CMIP: variants seen among roughly 807,000 people sequenced by gnomAD.
CMIP encodes the protein c-Maf inducing protein.
A neutral mutation model predicts 97.3 loss-of-function variants in CMIP; 13 were observed. The observed-to-expected ratio is 0.13, with a 90% confidence interval of 0.09 to 0.21. The LOEUF (loss-of-function observed/expected upper bound fraction) is 0.21. Among genes scored for constraint, CMIP ranks in the 10% least tolerant of loss-of-function variants. The pLI, the probability that CMIP is intolerant of heterozygous loss-of-function variation, is 1.00. For synonymous variants in CMIP, 538 were observed against 436.3 expected, an observed-to-expected ratio of 1.23 and a Z score of -2.91; for missense variants, 847 against 1,024.9, an observed-to-expected ratio of 0.83 and a Z score of 2.37.
intron 1 of CMIP, among the ~76,000 whole-genome samples, chr16:81,508,512 T>C (rs762177618): frequency 2.0e-5 from 3 of 152,248 alleles, no homozygotes; most frequent in Non-Finnish European, 4.4e-5. Flanking sequence ...ATTTTCTTAC[T>C]GATGGCTGTT....
At chr16:81,509,561 C>G (rs1452037023) in intron 1 of CMIP, among the ~76,000 whole-genome samples, 2 of 152,150 alleles carry the variant, frequency 1.3e-5, no homozygotes, top group East Asian at 3.9e-4. Context: ...ACTCGGGGGT[C>G]ATAGTCTGGC....
intron 1 of CMIP, among the ~76,000 whole-genome samples, chr16:81,561,614 G>T (rs1302978473): frequency 6.6e-6 from 1 of 152,150 alleles, no homozygotes; most frequent in Non-Finnish European, 1.5e-5. Flanking sequence ...GCAGACAATT[G>T]CCCCGGCCTT....
At chr16:81,547,241 A>G (rs891576653) in intron 1 of CMIP, among the ~76,000 whole-genome samples, 5 of 152,184 alleles carry the variant, frequency 3.3e-5, no homozygotes, top group African/African-American at 9.6e-5. Context: ...GAGAGACGGA[A>G]GGGGTTCAGC....
At chr16:81,576,489 G>A (rs926910578) in intron 1 of CMIP, among the ~76,000 whole-genome samples, 1 of 152,098 alleles carries the variant, frequency 6.6e-6, no homozygotes, top group African/African-American at 2.4e-5. Flanking sequence ...CAGTTTTAAG[G>A]GAGGTTCAGT....
At chr16:81,486,527 G>A (rs965171618) in intron 1 of CMIP, among the ~76,000 whole-genome samples, 2 of 152,184 alleles carry the variant, frequency 1.3e-5, no homozygotes, top group East Asian at 3.9e-4. Flanking sequence ...CCAGGGCCGG[G>A]CCACTTTGCA....
At position 81,621,459 on chromosome 16, in the gene CMIP, C is replaced by T. The variant is rs1371593603; in HGVS notation, c.477+533C>T. The T allele has an allele frequency of 6.5e-6, 1 of 153,962 alleles. No homozygotes were observed. Among genetic ancestry groups the T allele is most frequent in the Non-Finnish European group, 1.4e-5 (1 of 69,020 alleles). 9.5% of individuals were successfully genotyped at this position (153,962 alleles called of 1,614,324 possible). ...AGGGAACTTCATCTTCTTGGAGACC[C>T]AGGGGCAGATCTTCTAAGAGGGGTC... On this transcript the variant is annotated intron_variant, in intron 3 of 20. Transcript: ENST00000537098. The surrounding 1 kb of genome is among the most constrained non-coding windows in gnomAD (Gnocchi z 4.1).
intron 1 of CMIP, among the ~76,000 whole-genome samples, chr16:81,604,368 T>C (rs1267377584): frequency 8.1e-6 from 1 of 123,106 alleles, no homozygotes; most frequent in African/African-American, 3.4e-5. Context: ...TGTACTCCAG[T>C]CGGGGTGACA....
At chr16:81,632,723 C>T (rs1020593740) in intron 3 of CMIP, among the ~76,000 whole-genome samples, 4 of 152,182 alleles carry the variant, frequency 2.6e-5, no homozygotes, top group African/African-American at 4.8e-5. Flanking sequence ...GAGTGAGCTG[C>T]CCCTGGCTAC....
chr16:81,694,958 C>T (rs1163088065), intron 13 of CMIP, among the ~76,000 whole-genome samples: 1 of 152,232 alleles, frequency 6.6e-6, no homozygotes, highest in African/African-American at 2.4e-5. Flanking sequence ...CTTTCCTTGC[C>T]ACCTGTGAAG....
intron 10 of CMIP, among the ~76,000 whole-genome samples, chr16:81,690,581 G>A (rs1905947254): frequency 6.6e-6 from 1 of 152,164 alleles, no homozygotes; most frequent in Non-Finnish European, 1.5e-5. Context: ...TCAGCTCACT[G>A]CGGCCTCCGC....
chr16:81,623,760 C>T (rs950304984), intron 3 of CMIP, among the ~76,000 whole-genome samples: 1 of 152,196 alleles, frequency 6.6e-6, no homozygotes, highest in Non-Finnish European at 1.5e-5. Context: ...GTTCTGTGGG[C>T]AGATTCCAGA....
intron 1 of CMIP, among the ~76,000 whole-genome samples, chr16:81,547,052 G>C (rs4889337): frequency 6.6e-6 from 1 of 152,096 alleles, no homozygotes; most frequent in Admixed American, 6.5e-5. Flanking sequence ...ACAGTACAGG[G>C]CAGTCTGGGC....
At chr16:81,560,364 T>A (rs1004309683) in intron 1 of CMIP, among the ~76,000 whole-genome samples, 1 of 151,246 alleles carries the variant, frequency 6.6e-6, no homozygotes, top group South Asian at 2.1e-4. Context: ...GACTACAGGC[T>A]CCCGCCACTA....
chr16:81,493,301 T>G (rs1019075002), intron 1 of CMIP, among the ~76,000 whole-genome samples: 18 of 152,032 alleles, frequency 1.2e-4, no homozygotes, highest in Non-Finnish European at 5.9e-5. Flanking sequence ...GTGCAAGGGG[T>G]TATTGTGCCC....
intron 3 of CMIP, among the ~76,000 whole-genome samples, chr16:81,650,587 A>G (rs775978696): frequency 3.9e-5 from 6 of 152,134 alleles, no homozygotes; most frequent in Non-Finnish European, 8.8e-5. Context: ...GCGGGAAAAT[A>G]ATGGAGAGGA....
intron 1 of CMIP, among the ~76,000 whole-genome samples, chr16:81,538,075 G>A (rs920773787): frequency 1.8e-4 from 27 of 152,212 alleles, no homozygotes; most frequent in Admixed American, 3.9e-4. Flanking sequence ...CCACAGTCTC[G>A]TTGCATCCCC....
At chr16:81,696,355 C>G in intron 13 of CMIP, 1 of 620,688 alleles carries the variant, frequency 1.6e-6, no homozygotes, top group Non-Finnish European at 2.9e-6. Context: ...CCAGAGTCCC[C>G]TGGGGTGTGG....
intron 1 of CMIP, among the ~76,000 whole-genome samples, chr16:81,495,898 C>CT: frequency 6.6e-6 from 1 of 152,220 alleles, no homozygotes; most frequent in East Asian, 1.9e-4. Context: ...GCCTCCTTAT[C>CT]TGTAAAATGC....
chr16:81,552,770 C>T (rs1206924032), intron 1 of CMIP, among the ~76,000 whole-genome samples: 2 of 152,222 alleles, frequency 1.3e-5, no homozygotes, highest in Non-Finnish European at 2.9e-5. Flanking sequence ...GTGCCTACCA[C>T]CAGGGGCCAT....
Sources: allele counts gnomAD v4.1 joint callset (sites outside exome capture counted in the v4.1 genomes callset), GRCh38; gene constraint gnomAD v4.1.1; non-coding constraint Gnocchi (gnomAD v3.1); transcripts MANE v1.5; gene names NCBI Gene and HGNC (gene_info 2026-07-23, HGNC 2026-07-21).